CNTN5: variants seen among roughly 807,000 people sequenced by gnomAD.
CNTN5 encodes the protein contactin 5, also known as contactin-5.
In CNTN5, 77 loss-of-function variants were observed where a neutral mutation model predicts 129.1. The observed-to-expected ratio is 0.60, with a 90% CI of 0.50 to 0.72. The LOEUF is 0.72. CNTN5 is among the 30% of genes least tolerant of loss of function. CNTN5 has a pLI of 0.00. For missense variants in CNTN5, 1,478 were observed against 1,328.8 expected (o/e 1.11, Z -1.75); for synonymous variants, 509 against 465.6 (o/e 1.09, Z -1.20).
intron 4 of CNTN5, chr11:99,844,561 C>G (rs141220028): frequency 1.7e-4 from 64 of 384,784 alleles, no homozygotes; most frequent in African/African-American, 1.1e-3. Context: ...ATCCTTCAGT[C>G]TGATTTTGAA....
At chr11:100,016,072 GC>G (rs1565790489) in intron 9 of CNTN5, among the ~76,000 whole-genome samples, 1 of 152,020 alleles carries the variant, frequency 6.6e-6, no homozygotes, top group Non-Finnish European at 1.5e-5. Flanking sequence ...TGTCTCTGAT[GC>G]TTTTAACAGG....
chr11:99,735,892 A>G (rs1943690028), intron 3 of CNTN5, among the ~76,000 whole-genome samples: 1 of 152,178 alleles, frequency 6.6e-6, no homozygotes, highest in Non-Finnish European at 1.5e-5. Flanking sequence ...CAGATCTTGC[A>G]AAACTGAAAC....
chr11:99,403,839 A>T (rs1430720176), intron 2 of CNTN5, among the ~76,000 whole-genome samples: 4 of 152,232 alleles, frequency 2.6e-5, no homozygotes, highest in African/African-American at 9.6e-5. Flanking sequence ...CAGTTCTTGG[A>T]TGAAAAGTTT....
At chr11:99,497,116 A>G (rs986139118) in intron 2 of CNTN5, among the ~76,000 whole-genome samples, 28 of 152,198 alleles carry the variant, frequency 1.8e-4, no homozygotes, top group African/African-American at 6.8e-4. Flanking sequence ...AGGGCATACC[A>G]CATGAAAGCA....
intron 1 of CNTN5, among the ~76,000 whole-genome samples, chr11:99,213,542 T>A (rs1044902670): frequency 2.0e-5 from 3 of 150,878 alleles, no homozygotes; most frequent in African/African-American, 4.9e-5. Flanking sequence ...TCTGTAGAAT[T>A]TTGATTTTGT....
intron 3 of CNTN5, among the ~76,000 whole-genome samples, chr11:99,762,634 T>A (rs10893858): frequency 0.17 from 25,093 of 151,998 alleles, 2,125 homozygotes; most frequent in African/African-American, 0.17. Context: ...TATCTCTGTT[T>A]TGGTACCAGT....
chr11:99,980,836 A>G (rs1037745633), intron 8 of CNTN5, among the ~76,000 whole-genome samples: 5 of 151,980 alleles, frequency 3.3e-5, no homozygotes, highest in Non-Finnish European at 5.9e-5. Context: ...GAAAACAAGT[A>G]CTTTGTGATT....
At chr11:100,144,580 A>T (rs2138272510) in intron 13 of CNTN5, among the ~76,000 whole-genome samples, 1 of 152,286 alleles carries the variant, frequency 6.6e-6, no homozygotes, top group Non-Finnish European at 1.5e-5. Context: ...CTGAAAGGAG[A>T]TACAGCATAA....
At chr11:99,263,450 CA>C (rs1862738580) in intron 1 of CNTN5, among the ~76,000 whole-genome samples, 1 of 151,954 alleles carries the variant, frequency 6.6e-6, no homozygotes, top group African/African-American at 2.4e-5. Flanking sequence ...TGAAAAACCT[CA>C]ATATCTTATG....
intron 2 of CNTN5, among the ~76,000 whole-genome samples, chr11:99,392,035 C>T (rs1432676181): frequency 6.6e-6 from 1 of 151,632 alleles, no homozygotes; most frequent in East Asian, 1.9e-4. Flanking sequence ...TGTTTTGTAA[C>T]AAAATAATGT....
At chr11:99,286,114 A>T (rs1203591407) in intron 1 of CNTN5, among the ~76,000 whole-genome samples, 1 of 150,732 alleles carries the variant, frequency 6.6e-6, no homozygotes, top group East Asian at 1.9e-4. Flanking sequence ...TTTCAATATT[A>T]TTTCTATTTC....
chr11:99,589,400 T>C (rs1288408621), intron 3 of CNTN5, among the ~76,000 whole-genome samples: 1 of 152,220 alleles, frequency 6.6e-6, no homozygotes, highest in East Asian at 1.9e-4. Flanking sequence ...TCAGTATTCA[T>C]GTATTCAACA....
chr11:99,867,309 G>A lies in CNTN5; in HGVS notation c.577+22047G>A, dbSNP rs575875966. Among the ~76,000 whole-genome samples the A allele has an allele frequency of 1.4e-4, 21 of 152,200 alleles. 1 individual carries two copies. In the South Asian group the frequency reaches 2.3e-3, roughly 17 times the overall value. On this transcript the variant is annotated intron_variant, in intron 6 of 24. Coordinates refer to ENST00000524871, the MANE Select transcript of CNTN5 (RefSeq NM_014361.4). Reference sequence around the variant, plus strand: ...TGTATTTATTGAGTACCTACTATGCGCCAGTACCATGCTGGATTCTATCAT... The same window carrying A: ...TGTATTTATTGAGTACCTACTATGCACCAGTACCATGCTGGATTCTATCAT...
chr11:99,231,840 G>T (rs1230879283), intron 1 of CNTN5, among the ~76,000 whole-genome samples: 1 of 152,152 alleles, frequency 6.6e-6, no homozygotes, highest in African/African-American at 2.4e-5. Context: ...GTATGAGGTA[G>T]GGGTCCAATT....
At chr11:99,156,348 A>C (rs1300372742) in intron 1 of CNTN5, among the ~76,000 whole-genome samples, 1 of 152,072 alleles carries the variant, frequency 6.6e-6, no homozygotes, top group Non-Finnish European at 1.5e-5. Context: ...ACAATAATTA[A>C]AACAATAATT....
chr11:100,074,352 A>G, intron 13 of CNTN5, 58 bp downstream of exon 13: 1 of 1,349,716 alleles, frequency 7.4e-7, no homozygotes, highest in Non-Finnish European at 1.0e-6. Flanking sequence ...GTTACAGGTG[A>G]CACACACAAA....
At chr11:99,237,892 G>A (rs527645921) in intron 1 of CNTN5, among the ~76,000 whole-genome samples, 6 of 151,974 alleles carry the variant, frequency 3.9e-5, no homozygotes, top group Non-Finnish European at 8.8e-5. Flanking sequence ...CAAACCAAAG[G>A]CCAGGAAAAA....
At position 100,074,284 on chromosome 11, in the gene CNTN5, G is replaced by A. The variant is rs200944503; in HGVS notation, c.1570G>A (p.Glu524Lys). The A allele has an allele frequency of 2.5e-6, 4 of 1,597,726 alleles. No homozygotes were observed. The highest frequency in any genetic ancestry group is 3.4e-6 in the Non-Finnish European group (4 of 1,171,348). Residue 524 changes from glutamate (E) to lysine (K), a missense_variant, in exon 13 of 25, where the codon GAA (glutamate) becomes AAA (lysine). Transcript: ENST00000524871. ...SWKKGDRAVR[E>K]NKRIAILPDG... ...GAAGAAAGGAGACAGAGCAGTTAGA[G>A]AAAACAAAAGGTTAGAATCTATTTT...
At chr11:99,044,761 T>C (rs1591097670) in intron 1 of CNTN5, among the ~76,000 whole-genome samples, 1 of 152,056 alleles carries the variant, frequency 6.6e-6, no homozygotes, top group Admixed American at 6.6e-5. Flanking sequence ...AAGTGTCGGG[T>C]CCTCTATAAA....
Sources: gnomAD v4.1 joint callset for allele counts (sites outside exome capture counted in the v4.1 genomes callset) on GRCh38, gnomAD v4.1.1 for gene constraint, MANE v1.5 for transcripts, NCBI Gene and HGNC (gene_info 2026-07-23, HGNC 2026-07-21) for gene names.